The following DAB1 variants were observed in gnomAD, a reference collection of about 807,000 sequenced individuals.
DAB1 encodes the protein DAB adaptor protein 1.
A neutral mutation model predicts 64.6 loss-of-function variants in DAB1; 15 were observed. That is an observed-to-expected ratio of 0.23 (90% CI 0.16 to 0.36). The LOEUF (loss-of-function observed/expected upper bound fraction) is 0.36, where lower values mean the gene tolerates loss of function less well. DAB1 is among the 10% of genes least tolerant of loss of function. The pLI, the probability that DAB1 is intolerant of heterozygous loss-of-function variation, is 1.00. For synonymous variants in DAB1, 235 were observed against 251.9 expected (o/e 0.93, Z 0.64); for missense variants, 596 against 706.7 (o/e 0.84, Z 1.78).
chr1:58,050,394 A>G lies in DAB1; in HGVS notation n.387+100117T>C, dbSNP rs565613503. Among the ~76,000 whole-genome samples, 18 of 152,350 alleles carry G rather than the reference A, an allele frequency of 1.2e-4. No homozygotes were observed. In the South Asian group the frequency reaches 3.3e-3, roughly 28 times the overall value. ...GTGGGGAGAACAAAGTGTAGGTTAC[A>G]GCAGAAATAAAGGTGAAATATGATG... On this transcript the variant is annotated intron_variant and non_coding_transcript_variant, in intron 5 of 20. Transcript: ENST00000485760.
chr1:57,375,079 C>T (rs766496226), intron 1 of DAB1, among the ~76,000 whole-genome samples: 9 of 152,090 alleles, frequency 5.9e-5, no homozygotes, highest in Non-Finnish European at 1.3e-4. Context: ...AGGTCCCAAC[C>T]CTTCTCTCTG....
chr1:58,301,232 A>AGG (rs1261815094), intron 4 of DAB1, among the ~76,000 whole-genome samples: 1 of 106,938 alleles, frequency 9.4e-6, no homozygotes, highest in Non-Finnish European at 1.9e-5. Context: ...GTGGGGGTGG[A>AGG]GAGGGGGGGG....
intron 4 of DAB1, among the ~76,000 whole-genome samples, chr1:57,108,105 T>C (rs1570706187): frequency 6.6e-6 from 1 of 152,174 alleles, no homozygotes; most frequent in African/African-American, 2.4e-5. Context: ...GTGTGGTCCT[T>C]GTAAAGAATG....
At chr1:57,041,612 A>T (rs1045371975) in intron 9 of DAB1, among the ~76,000 whole-genome samples, 1 of 152,224 alleles carries the variant, frequency 6.6e-6, no homozygotes, top group Non-Finnish European at 1.5e-5. Context: ...TATCCATCTC[A>T]TAAGACTGAG....
chr1:58,473,312 G>T (rs1645382004), intron 3 of DAB1, among the ~76,000 whole-genome samples: 1 of 152,050 alleles, frequency 6.6e-6, no homozygotes, highest in African/African-American at 2.4e-5. Flanking sequence ...GGAGGCCGAG[G>T]CGGGTGGATC....
intron 5 of DAB1, among the ~76,000 whole-genome samples, chr1:58,011,053 G>T (rs1646660930): frequency 6.6e-6 from 1 of 152,162 alleles, no homozygotes; most frequent in African/African-American, 2.4e-5. Context: ...CTACCCAAAT[G>T]TTAGTTATGA....
intron 8 of DAB1, among the ~76,000 whole-genome samples, chr1:57,064,286 T>C (rs1278423711): frequency 6.6e-6 from 1 of 152,226 alleles, no homozygotes; most frequent in African/African-American, 2.4e-5. Flanking sequence ...CGCTCAGAGA[T>C]GTTAGGGACT....
At chr1:57,576,250 G>C (rs963021192) in intron 7 of DAB1, among the ~76,000 whole-genome samples, 4 of 152,080 alleles carry the variant, frequency 2.6e-5, no homozygotes, top group African/African-American at 9.7e-5. Context: ...GGTAGACCAG[G>C]CTAAGCTATG....
chr1:58,091,935 A>AACACACACACACACACACACACACACAC (rs59390109), intron 5 of DAB1, among the ~76,000 whole-genome samples: 5 of 141,842 alleles, frequency 3.5e-5, no homozygotes, highest in African/African-American at 1.1e-4. Flanking sequence ...AGCTGCATTA[A>AACACACACACACACACACACACACACAC]ACACACACAC....
At chr1:57,975,341 T>A (rs1645894173) in intron 5 of DAB1, among the ~76,000 whole-genome samples, 1 of 152,194 alleles carries the variant, frequency 6.6e-6, no homozygotes, top group African/African-American at 2.4e-5. Flanking sequence ...AGCAGACCAC[T>A]GCAATCCAAG....
At chr1:57,838,397 T>C (rs755871894) in intron 1 of DAB1, among the ~76,000 whole-genome samples, 17 of 152,182 alleles carry the variant, frequency 1.1e-4, no homozygotes, top group Non-Finnish European at 2.2e-4. Flanking sequence ...CTAATTTTCA[T>C]CTTGAGTTTT....
At chr1:57,453,836 A>G (rs1686482394) in intron 7 of DAB1, among the ~76,000 whole-genome samples, 1 of 152,166 alleles carries the variant, frequency 6.6e-6, no homozygotes, top group Non-Finnish European at 1.5e-5. Context: ...TACTTATAGT[A>G]GACATTACTT....
intron 2 of DAB1, among the ~76,000 whole-genome samples, chr1:57,277,156 G>T (rs1671531674): frequency 6.6e-6 from 1 of 152,080 alleles, no homozygotes; most frequent in African/African-American, 2.4e-5. Flanking sequence ...CATTTTCCAC[G>T]ATTTTGAACT....
rs1162188116 is a variant in DAB1 at position 57,084,232 on chromosome 1, GC to G, written c.307-11819del. ...GTCCTTATAAAAGAAGGAAATCTGG[GC>G]ACAGACATGTATATGGAGAGAAGGC... is the stretch of plus-strand genomic sequence containing the variant. On this transcript the variant is annotated intron_variant, in intron 4 of 14. Coordinates refer to ENST00000371236, the MANE Select transcript of DAB1 (RefSeq NM_001365792.1). Among the ~76,000 whole-genome samples the G allele has an allele frequency of 1.1e-3, 173 of 152,272 alleles. 2 individuals are homozygous for G. Among genetic ancestry groups the G allele is most frequent in the African/African-American group, 3.8e-3 (160 of 41,570 alleles).
intron 3 of DAB1, among the ~76,000 whole-genome samples, chr1:58,492,070 G>C (rs1645704370): frequency 6.6e-6 from 1 of 152,138 alleles, no homozygotes; most frequent in African/African-American, 2.4e-5. Context: ...CTGTCTCTCA[G>C]ACCACAGTGC....
intron 5 of DAB1, among the ~76,000 whole-genome samples, chr1:57,906,120 T>C (rs1569962440): frequency 6.6e-6 from 1 of 152,144 alleles, no homozygotes; most frequent in Admixed American, 6.5e-5. Flanking sequence ...AAAGGATTCT[T>C]AAAAAGCAGA....
chr1:58,081,308 C>T (rs1649983109), intron 5 of DAB1, among the ~76,000 whole-genome samples: 2 of 152,174 alleles, frequency 1.3e-5, no homozygotes, highest in Non-Finnish European at 2.9e-5. Flanking sequence ...ACAAATAGCA[C>T]CAGAATGCCA....
At chr1:57,889,900 G>GT (rs1553139925) in intron 5 of DAB1, among the ~76,000 whole-genome samples, 3 of 60,538 alleles carry the variant, frequency 5.0e-5, no homozygotes, top group Non-Finnish European at 1.0e-4. Context: ...AAACTGGGGC[G>GT]GGGGGGGGGG....
At chr1:57,105,605 C>A (rs1224549215) in intron 4 of DAB1, among the ~76,000 whole-genome samples, 1 of 152,072 alleles carries the variant, frequency 6.6e-6, no homozygotes, top group Non-Finnish European at 1.5e-5. Flanking sequence ...ATTTTAATAC[C>A]CCACTTTTTT....
Sources: allele counts gnomAD v4.1 joint callset (sites outside exome capture counted in the v4.1 genomes callset), GRCh38; gene constraint gnomAD v4.1.1; transcripts MANE v1.5; gene names NCBI Gene and HGNC (gene_info 2026-07-23, HGNC 2026-07-21).